CES4A: variants seen among roughly 807,000 people sequenced by gnomAD.
CES4A encodes the protein carboxylesterase 6.
CES4A carries 48 observed loss-of-function variants against 65.4 expected under a neutral mutation model. That is an observed-to-expected ratio of 0.73 (90% confidence interval 0.58 to 0.93). CES4A has a LOEUF of 0.93. CES4A is among the 40% of genes least tolerant of loss of function. The probability of loss-of-function intolerance (pLI) is 0.00; values close to 1 mark genes in which losing one functional copy is unlikely to be tolerated. For synonymous variants in CES4A, 247 were observed against 281.8 expected, an observed-to-expected ratio of 0.88 and a Z score of 1.24; for missense variants, 685 against 728.5, an observed-to-expected ratio of 0.94 and a Z score of 0.69.
intron 1 of CES4A, among the ~76,000 whole-genome samples, chr16:66,990,249 C>T (rs1003293992): frequency 2.0e-5 from 3 of 152,054 alleles, no homozygotes; most frequent in Admixed American, 6.6e-5. Flanking sequence ...GATGGGGTTT[C>T]GCCATGCTGG....
rs539568149 is a variant in CES4A at position 67,006,711 on chromosome 16, C to T, written c.1445-34C>T. The T allele has an allele frequency of 2.3e-5, 37 of 1,606,756 alleles. No individual in the cohort carries two copies. The South Asian group carries it at 3.6e-4, about 16-fold the overall frequency. ...GGGTGGGAGGTCAGTGTCCCCTGCT[C>T]TGTCCGAAATCCCACATCCCATTCT... On this transcript the variant is annotated intron_variant, in intron 12 of 13. Coordinates refer to ENST00000648724, the Ensembl canonical transcript of CES4A.
At chr16:66,988,669 T>C (rs371037896) in exon 1 of CES4A, 10 of 1,538,028 alleles carry the variant, frequency 6.5e-6, no homozygotes, top group East Asian at 4.9e-5. Context: ...TAAGAGCAGA[T>C]AAAAGTGTGC....
intron 1 of CES4A, among the ~76,000 whole-genome samples, chr16:66,994,102 A>G (rs571326576): frequency 2.2e-4 from 33 of 151,864 alleles, no homozygotes; most frequent in African/African-American, 8.0e-4. Context: ...CTCCATCTCA[A>G]AAAAAGGACA....
At position 67,003,106 on chromosome 16, in the gene CES4A, G is replaced by T; in HGVS notation, c.727G>T (p.Ala243Ser). 1 of 1,614,110 alleles carries T rather than the reference G, an allele frequency of 6.2e-7. No individual in the cohort carries two copies. The change falls in exon 6 of 14, where the codon GCC becomes TCC. Residue 243 changes from alanine to serine, a missense_variant. Transcript: ENST00000648724. The surrounding 1 kb of genome is among the most constrained non-coding windows in gnomAD (Gnocchi z 4.2). ...CCTAGCCTCGGGTCTCTTCCATCGG[G>T]CCATTTCCCAGAGTGGCACCGCGTT...
In CES4A at chr16:67,000,929, G is replaced by A. The variant is rs1211327667; in HGVS notation, c.475G>A (p.Ala159Thr). Residue 159 changes from alanine to threonine, a missense_variant, in exon 4 of 14, where the codon GCC becomes ACC. Coordinates refer to ENST00000648724, the Ensembl canonical transcript of CES4A. The surrounding 1 kb of genome is among the most constrained non-coding windows in gnomAD (Gnocchi z 4.2). ...TTCGTACGAGGGCTCTGACTTGGCC[G>A]CCCGCGAGAAAGTGGTGCTGGTGTT... 1 of 1,613,286 alleles carries A rather than the reference G, an allele frequency of 6.2e-7. No homozygotes were observed. The highest frequency in any genetic ancestry group is 1.7e-5 in the Admixed American group (1 of 59,966).
chr16:67,004,926 G>GT (rs1555531090), intron 10 of CES4A, 53 bp downstream of exon 10: 178 of 1,400,692 alleles, frequency 1.3e-4, no homozygotes, highest in Middle Eastern at 1.9e-4. Context: ...TGACCCCCCT[G>GT]TTTTTTTTAA....
chr16:67,009,122 G>C lies in CES4A; in HGVS notation c.1666G>C (p.Glu556Gln), dbSNP rs747817480. 6 of 1,612,924 alleles carry C rather than the reference G, an allele frequency of 3.7e-6. No homozygotes were observed. In the South Asian group the frequency reaches 6.6e-5, roughly 18 times the overall value. ...GAGTCTGTACCAGTCTCAAAGACCT[G>C]AGAAGCAGAGGCAATTCTAAGGGTG... The change falls in exon 14 of 14, where the codon GAG becomes CAG. Residue 556 changes from glutamate to glutamine, a missense_variant. Coordinates refer to ENST00000648724, the Ensembl canonical transcript of CES4A.
intron 1 of CES4A, among the ~76,000 whole-genome samples, chr16:66,995,297 A>G (rs1357045545): frequency 6.6e-6 from 1 of 151,868 alleles, no homozygotes; most frequent in East Asian, 1.9e-4. Flanking sequence ...GCGACAGAGC[A>G]AGACTCCATC....
chr16:67,006,883 T>TG, intron 13 of CES4A, 66 bp downstream of exon 13: 1 of 1,475,818 alleles, frequency 6.8e-7, no homozygotes, highest in Non-Finnish European at 9.4e-7. Flanking sequence ...AGAAGCCAGC[T>TG]GCTTCGGATA....
At position 67,003,706 on chromosome 16, in the gene CES4A, A is replaced by G. The variant is rs1965530090; in HGVS notation, c.939+153A>G. On this transcript the variant is annotated intron_variant, in intron 8 of 13. Coordinates refer to ENST00000648724, the Ensembl canonical transcript of CES4A. The surrounding 1 kb of genome is among the most constrained non-coding windows in gnomAD (Gnocchi z 4.2). ...AGGAGAATAAACCCTATAAATAAAT[A>G]TATTATCCACCTCCTTAGAAGGTGA... is the stretch of plus-strand genomic sequence containing the variant. 6.6e-6 allele frequency among the ~76,000 whole-genome samples: 1 copy of G among 152,218 alleles called. No homozygotes were observed. Among genetic ancestry groups the G allele is most frequent in the South Asian group, 2.1e-4 (1 of 4,834 alleles).
Position 67,001,400 on chromosome 16 carries a change from G to T in CES4A, c.629G>T (p.Gly210Val), listed in dbSNP as rs1382020064. The T allele has an allele frequency of 1.9e-6, 3 of 1,613,748 alleles. No homozygotes were observed. The highest frequency in any genetic ancestry group is 3.3e-5 in the Admixed American group (2 of 59,992). ...CAGGAGAACATCGCAGCCTTCGGGG[G>T]AGACCCAGGAAATGTGACCCTGTTC... Residue 210 changes from glycine (G) to valine (V), a missense_variant, in exon 5 of 14, where the codon GGA becomes GTA. Transcript: ENST00000648724. The surrounding 1 kb of genome is among the most constrained non-coding windows in gnomAD (Gnocchi z 4.1).
chr16:66,996,038 T>C (rs1397757412), intron 2 of CES4A: 1 of 686,832 alleles, frequency 1.5e-6, no homozygotes, highest in East Asian at 2.8e-5. Flanking sequence ...TTGGTTTTTG[T>C]TTTTGTTTTT....
At chr16:67,008,458 T>C (rs1467638211) in intron 13 of CES4A, 1 of 153,392 alleles carries the variant, frequency 6.5e-6, no homozygotes, top group Non-Finnish European at 1.5e-5. Flanking sequence ...TGGAGTGCAG[T>C]GGCGCGATCT....
At chr16:66,998,363 G>C (rs1216544623) in intron 2 of CES4A, among the ~76,000 whole-genome samples, 1 of 152,094 alleles carries the variant, frequency 6.6e-6, no homozygotes, top group African/African-American at 2.4e-5. Flanking sequence ...GCTGAGGTGG[G>C]AGGATCCCTT....
intron 1 of CES4A, among the ~76,000 whole-genome samples, chr16:66,990,999 T>C (rs1321807337): frequency 6.6e-6 from 1 of 151,382 alleles, no homozygotes; most frequent in East Asian, 1.9e-4. Context: ...TGAACTTTTC[T>C]TTTCTTTTCT....
chr16:66,996,131 G>C, intron 2 of CES4A: 1 of 496,044 alleles, frequency 2.0e-6, no homozygotes, highest in South Asian at 1.7e-5. Context: ...TCCGCCTCCC[G>C]GGTTCAAGCG....
At position 67,003,566 on chromosome 16, in the gene CES4A, C is replaced by T. The variant is rs1965518364; in HGVS notation, c.939+13C>T. On this transcript the variant is annotated intron_variant, in intron 8 of 13. Coordinates refer to ENST00000648724, the Ensembl canonical transcript of CES4A. This position sits in a 1 kb window ranked among gnomAD's most constrained non-coding sequence, Gnocchi z 4.2. ...AGACCCGGAAGAGGTAAACAGGCCACATTCTGCAATTTGAGTATTTATTTA... is the reference window on the plus strand; with the variant it reads ...AGACCCGGAAGAGGTAAACAGGCCATATTCTGCAATTTGAGTATTTATTTA... 2.5e-6 allele frequency: 4 copies of T among 1,606,946 alleles called. No homozygotes were observed. Among genetic ancestry groups the T allele is most frequent in the South Asian group, 1.1e-5 (1 of 90,938 alleles).
Position 67,003,334 on chromosome 16 carries a change from A to G in CES4A, c.874A>G (p.Lys292Glu). Residue 292 changes from lysine to glutamate, a missense_variant, in exon 7 of 14, where the codon AAG becomes GAG. Coordinates refer to ENST00000648724, the Ensembl canonical transcript of CES4A. The surrounding 1 kb of genome is among the most constrained non-coding windows in gnomAD (Gnocchi z 4.2). ...CTGCCTGAGGGCACTATCAGGGACC[A>G]AGGTGATGCGTGTGTCCAACAAGAT... 6.2e-7 allele frequency: 1 copy of G among 1,614,004 alleles called. No homozygotes were observed. The highest frequency in any genetic ancestry group is 8.5e-7 in the Non-Finnish European group (1 of 1,179,976).
At chr16:67,006,607 G>A in intron 12 of CES4A, 88 bp downstream of exon 12, 1 of 1,554,308 alleles carries the variant, frequency 6.4e-7, no homozygotes, top group South Asian at 1.1e-5. Context: ...TGGCCACAGG[G>A]AGCTCACCAG....
Sources: gnomAD v4.1 joint callset for allele counts (sites outside exome capture counted in the v4.1 genomes callset) on GRCh38, gnomAD v4.1.1 for gene constraint, Gnocchi (gnomAD v3.1) non-coding constraint, MANE v1.5 for transcripts, NCBI Gene and HGNC (gene_info 2026-07-23, HGNC 2026-07-21) for gene names.